RAB10: variants seen among roughly 807,000 people sequenced by gnomAD.
RAB10 encodes the protein RAB10, member RAS oncogene family.
In RAB10, 5 loss-of-function variants were observed where a neutral mutation model predicts 25.7. That is an observed-to-expected ratio of 0.19 (90% CI 0.10 to 0.41). RAB10 has a LOEUF of 0.41. RAB10 is among the 10% of genes least tolerant of loss of function. The pLI is 1.00. For synonymous variants in RAB10, 89 were observed against 86.4 expected, an observed-to-expected ratio of 1.03 and a Z score of -0.16; for missense variants, 103 against 245.8, an observed-to-expected ratio of 0.42 and a Z score of 3.89.
chr2:26,039,552 T>A (rs1325411633), intron 1 of RAB10, among the ~76,000 whole-genome samples: 2 of 151,864 alleles, frequency 1.3e-5, no homozygotes. Context: ...TTTTGCCATG[T>A]TGGCCAGGCT....
intron 1 of RAB10, among the ~76,000 whole-genome samples, chr2:26,064,877 G>C (rs1574534696): frequency 6.6e-6 from 1 of 152,140 alleles, no homozygotes; most frequent in South Asian, 2.1e-4. Flanking sequence ...CAAGACTCCT[G>C]TCTCCACACA....
At chr2:26,069,040 T>C (rs184988695) in intron 1 of RAB10, among the ~76,000 whole-genome samples, 1 of 152,338 alleles carries the variant, frequency 6.6e-6, no homozygotes, top group Non-Finnish European at 1.5e-5. Context: ...CTCTCACATA[T>C]ATATTCTTAA....
intron 1 of RAB10, among the ~76,000 whole-genome samples, chr2:26,044,848 G>A (rs1302568495): frequency 6.6e-6 from 1 of 151,982 alleles, no homozygotes; most frequent in South Asian, 2.1e-4. Context: ...GCCCCGCCAG[G>A]AGTTTTTATT....
At chr2:26,065,277 G>A (rs1477558862) in intron 1 of RAB10, among the ~76,000 whole-genome samples, 2 of 151,410 alleles carry the variant, frequency 1.3e-5, no homozygotes, top group African/African-American at 4.8e-5. Context: ...GCATTTTCAT[G>A]TGCCTTTATT....
At chr2:26,069,305 G>A (rs1666577343) in intron 1 of RAB10, among the ~76,000 whole-genome samples, 1 of 152,120 alleles carries the variant, frequency 6.6e-6, no homozygotes, top group African/African-American at 2.4e-5. Flanking sequence ...CTGAGTTGTA[G>A]TGTTCTTTGG....
intron 3 of RAB10, among the ~76,000 whole-genome samples, chr2:26,113,335 A>T (rs888635360): frequency 1.3e-5 from 2 of 152,134 alleles, no homozygotes; most frequent in Admixed American, 1.3e-4. Context: ...GCACTTTGGG[A>T]GGCCGAGGCA....
intron 1 of RAB10, among the ~76,000 whole-genome samples, chr2:26,086,947 G>A (rs941116541): frequency 9.9e-5 from 15 of 152,202 alleles, no homozygotes; most frequent in African/African-American, 3.6e-4. Flanking sequence ...ATACAGATGA[G>A]TGGTTTCCAG....
chr2:26,113,479 C>T (rs1667621754), intron 3 of RAB10, among the ~76,000 whole-genome samples: 1 of 151,960 alleles, frequency 6.6e-6, no homozygotes, highest in South Asian at 2.1e-4. Flanking sequence ...GAGGCTGAGG[C>T]AGGAGAATCG....
intron 2 of RAB10, among the ~76,000 whole-genome samples, chr2:26,104,389 T>C (rs1667422093): frequency 6.6e-6 from 1 of 152,238 alleles, no homozygotes; most frequent in African/African-American, 2.4e-5. Context: ...TTTGGATAAA[T>C]GCCTGTTTAG....
intron 1 of RAB10, among the ~76,000 whole-genome samples, chr2:26,096,651 C>A (rs1370532232): frequency 6.6e-6 from 1 of 151,980 alleles, no homozygotes. Flanking sequence ...TTAACCTGTT[C>A]TTTTGGTATT....
At chr2:26,050,636 A>G (rs925263824) in intron 1 of RAB10, among the ~76,000 whole-genome samples, 1 of 151,356 alleles carries the variant, frequency 6.6e-6, no homozygotes, top group Admixed American at 6.6e-5. Context: ...TTTCTTGTCT[A>G]TTCCTTAATT....
intron 1 of RAB10, among the ~76,000 whole-genome samples, chr2:26,056,729 G>A (rs1666275415): frequency 6.6e-6 from 1 of 152,120 alleles, no homozygotes; most frequent in Non-Finnish European, 1.5e-5. Context: ...TCGGGCTCAA[G>A]CAGTCTTACC....
chr2:26,039,349 AT>A (rs1436203377), intron 1 of RAB10, among the ~76,000 whole-genome samples: 1 of 149,426 alleles, frequency 6.7e-6, no homozygotes, highest in South Asian at 2.1e-4. Context: ...AAGTAAAAAA[AT>A]TTTTTTTCTT....
In RAB10 at chr2:26,057,449, T is replaced by A. The variant is rs545601576; in HGVS notation, c.127+22714T>A. ...GACAGTCTCTAAAAAAAAAAAAAAA[T>A]TAAAAAATAAAAACTATAAGGAATA... On this transcript the variant is annotated intron_variant, in intron 1 of 5. Coordinates refer to ENST00000264710, the MANE Select transcript of RAB10 (RefSeq NM_016131.5). 6.6e-3 allele frequency among the ~76,000 whole-genome samples: 943 copies of A among 141,922 alleles called. 1 individual carries two copies. Among genetic ancestry groups the A allele is most frequent in the African/African-American group, 0.027 (906 of 33,276 alleles). 93.1% of individuals were successfully genotyped at this position (141,922 alleles called of 152,430 possible). A position where few individuals can be genotyped will look rare whatever the true frequency, so the allele number is the denominator to read the frequency against.
intron 3 of RAB10, 104 bp from the exon 4 acceptor site, chr2:26,127,040 G>A: frequency 2.4e-6 from 2 of 831,396 alleles, no homozygotes; most frequent in South Asian, 3.7e-5. Context: ...AAACTTCAAA[G>A]CTATAGAAAT....
chr2:26,122,348 G>A (rs569571667), intron 3 of RAB10, among the ~76,000 whole-genome samples: 1 of 152,128 alleles, frequency 6.6e-6, no homozygotes, highest in African/African-American at 2.4e-5. Flanking sequence ...ATACTTGTAG[G>A]CTGGGCGCGG....
At chr2:26,111,430 C>A (rs926293088) in intron 3 of RAB10, among the ~76,000 whole-genome samples, 9 of 152,052 alleles carry the variant, frequency 5.9e-5, no homozygotes, top group African/African-American at 9.7e-5. Flanking sequence ...CATGGAGAAA[C>A]CCCGTCTCTA....
chr2:26,091,974 C>T (rs969129814), intron 1 of RAB10, among the ~76,000 whole-genome samples: 2 of 151,936 alleles, frequency 1.3e-5, no homozygotes, highest in Non-Finnish European at 2.9e-5. Context: ...GAGTTCGAGA[C>T]CAGCCTGGCC....
chr2:26,107,789 T>G (rs1574555494), intron 2 of RAB10, among the ~76,000 whole-genome samples: 1 of 148,556 alleles, frequency 6.7e-6, no homozygotes, highest in African/African-American at 2.5e-5. Context: ...AGATCGAAAC[T>G]CTATCTCAAA....
Sources: gnomAD v4.1 joint callset for allele counts (sites outside exome capture counted in the v4.1 genomes callset) on GRCh38, gnomAD v4.1.1 for gene constraint, MANE v1.5 for transcripts, NCBI Gene and HGNC (gene_info 2026-07-23, HGNC 2026-07-21) for gene names.